Variants in TNFAIP6 observed in about 807,000 individuals in gnomAD.
TNFAIP6 encodes tumor necrosis factor-inducible gene 6 protein.
In TNFAIP6, 36 loss-of-function variants were observed where a neutral mutation model predicts 33.7. That is an observed-to-expected ratio of 1.07 (90% CI 0.82 to 1.41). The LOEUF (loss-of-function observed/expected upper bound fraction) is 1.41. TNFAIP6 is among the 40% of genes most tolerant of loss of function. TNFAIP6 has a pLI of 0.00. For missense variants in TNFAIP6, 273 were observed against 331.9 expected (o/e 0.82, Z 1.38); for synonymous variants, 113 against 112.8 (o/e 1.00, Z -0.01).
intron 2 of TNFAIP6, among the ~76,000 whole-genome samples, chr2:151,364,401 CTA>C (rs1449747625): frequency 1.3e-5 from 2 of 152,096 alleles, no homozygotes; most frequent in African/African-American, 2.4e-5. Flanking sequence ...TAGTATTGTT[CTA>C]TCTCTTTGAC....
At chr2:151,362,676 G>A (rs1684647134) in intron 1 of TNFAIP6, among the ~76,000 whole-genome samples, 1 of 151,722 alleles carries the variant, frequency 6.6e-6, no homozygotes, top group Non-Finnish European at 1.5e-5. Flanking sequence ...ATTTTTAATA[G>A]AGACAGGGTT....
Position 151,370,107 on chromosome 2 carries a change from G to C in TNFAIP6, c.482G>C (p.Cys161Ser), listed in dbSNP as rs1436050926. The change falls in exon 4 of 6, where the codon TGC (cysteine) becomes TCC (serine). Residue 161 changes from cysteine to serine, a missense_variant. By Grantham distance (112) the Cys-to-Ser change is moderately radical. Coordinates refer to ENST00000243347, the MANE Select transcript of TNFAIP6 (RefSeq NM_007115.4). ...FPNEYEDNQI[C>S]YWHIRLKYGQ... ...AATGAGTACGAAGATAACCAAATCT[G>C]CTACTGGCACATTAGACTCAAGTAT... 1.9e-6 allele frequency: 3 copies of C among 1,614,054 alleles called. No individual in the cohort carries two copies. The highest frequency in any genetic ancestry group is 2.5e-6 in the Non-Finnish European group (3 of 1,180,014).
At chr2:151,365,944 G>T in intron 2 of TNFAIP6, 112 bp from the exon 3 acceptor site, 2 of 987,674 alleles carry the variant, frequency 2.0e-6, no homozygotes, top group Non-Finnish European at 3.1e-6. Context: ...ACATGAACTG[G>T]ATTTGACCAG....
intron 5 of TNFAIP6, among the ~76,000 whole-genome samples, chr2:151,377,252 C>T (rs983037827): frequency 5.9e-5 from 9 of 151,922 alleles, no homozygotes; most frequent in African/African-American, 2.2e-4. Context: ...TCACTGCAAG[C>T]TCCGCCTCCC....
intron 1 of TNFAIP6, among the ~76,000 whole-genome samples, chr2:151,359,840 C>G (rs1036489745): frequency 4.6e-5 from 7 of 151,996 alleles, no homozygotes; most frequent in African/African-American, 1.7e-4. Context: ...GTAAAGGATC[C>G]CTAAGGCTTA....
At chr2:151,376,860 C>CTTTTCTTTTTTT (rs1684916011) in intron 5 of TNFAIP6, among the ~76,000 whole-genome samples, 1 of 113,362 alleles carries the variant, frequency 8.8e-6, no homozygotes, top group African/African-American at 3.6e-5. Flanking sequence ...ATTTCTTTTT[C>CTTTTCTTTTTTT]TTTTCTTTTT....
At chr2:151,375,250 GA>G (rs11313538) in intron 5 of TNFAIP6, among the ~76,000 whole-genome samples, 27,148 of 142,748 alleles carry the variant, frequency 0.19, 2,814 homozygotes, top group African/African-American at 0.3. Flanking sequence ...AAGAAACTGG[GA>G]AAAAAAAAAC....
In TNFAIP6 at chr2:151,373,539, T is replaced by TC; in HGVS notation, c.624-8dup. Reference sequence around the variant, plus strand: ...TGTGTGACATCTCTTTTCTAAAAATTCCTTTTCAGATACTGTGGAGATGAG... The same window carrying TC: ...TGTGTGACATCTCTTTTCTAAAAATTCCCTTTTCAGATACTGTGGAGATGAG... On this transcript the variant is annotated splice_polypyrimidine_tract_variant and intron_variant, in intron 4 of 5. Coordinates refer to ENST00000243347, the MANE Select transcript of TNFAIP6 (RefSeq NM_007115.4). 6.5e-7 allele frequency: 1 copy of TC among 1,530,148 alleles called. No homozygotes were observed. The highest frequency in any genetic ancestry group is 8.8e-7 in the Non-Finnish European group (1 of 1,130,252). The allele number at this position is 1,530,148 out of a possible 1,614,324, so 94.8% of individuals were successfully genotyped here. A position where few individuals can be genotyped will look rare whatever the true frequency, so the allele number is the denominator to read the frequency against.
intron 5 of TNFAIP6, among the ~76,000 whole-genome samples, chr2:151,374,954 C>T (rs1017910754): frequency 1.3e-5 from 2 of 151,818 alleles, no homozygotes; most frequent in Non-Finnish European, 2.9e-5. Flanking sequence ...GGAGAAACAC[C>T]GTCTCTACCA....
chr2:151,360,601 C>A (rs910311098), intron 1 of TNFAIP6, among the ~76,000 whole-genome samples: 1 of 152,080 alleles, frequency 6.6e-6, no homozygotes, highest in African/African-American at 2.4e-5. Flanking sequence ...ATCTTAATAG[C>A]TCAAAATTCT....
intron 3 of TNFAIP6, among the ~76,000 whole-genome samples, chr2:151,369,386 C>T (rs1044064446): frequency 2.6e-5 from 4 of 152,088 alleles, no homozygotes; most frequent in African/African-American, 4.8e-5. Context: ...AACTCCTAGG[C>T]TCATGAGATT....
intron 1 of TNFAIP6, among the ~76,000 whole-genome samples, chr2:151,359,968 T>A (rs190470213): frequency 2.6e-5 from 4 of 152,280 alleles, no homozygotes; most frequent in African/African-American, 9.6e-5. Flanking sequence ...AATGCACAGA[T>A]AAGCAATTAT....
intron 5 of TNFAIP6, among the ~76,000 whole-genome samples, chr2:151,374,548 C>T (rs906361973): frequency 6.6e-6 from 1 of 152,186 alleles, no homozygotes; most frequent in Non-Finnish European, 1.5e-5. Context: ...AGTTAACTTA[C>T]TCCCACACCC....
chr2:151,380,442 C>G (rs1044809414), downstream of TNFAIP6, among the ~76,000 whole-genome samples: 1 of 152,034 alleles, frequency 6.6e-6, no homozygotes, highest in Non-Finnish European at 1.5e-5. Flanking sequence ...GCTGAGGTCT[C>G]TTTTCTCATA....
chr2:151,364,158 A>C (rs1205885331), intron 2 of TNFAIP6, 78 bp downstream of exon 2: 1 of 1,512,490 alleles, frequency 6.6e-7, no homozygotes, highest in African/African-American at 1.4e-5. Flanking sequence ...CCCTAGTAAG[A>C]CTTCTTTCTC....
intron 3 of TNFAIP6, among the ~76,000 whole-genome samples, chr2:151,368,845 C>A (rs371008979): frequency 2.0e-5 from 3 of 152,164 alleles, no homozygotes; most frequent in Admixed American, 1.3e-4. Context: ...GGGCAAAGTC[C>A]CTACCATCTT....
At chr2:151,370,385 C>A in intron 4 of TNFAIP6, 137 bp downstream of exon 4, 1 of 681,474 alleles carries the variant, frequency 1.5e-6, no homozygotes, top group Non-Finnish European at 2.4e-6. Context: ...TATCATTTTT[C>A]AACAAAGATT....
intron 2 of TNFAIP6, among the ~76,000 whole-genome samples, chr2:151,364,414 T>G (rs550831090): frequency 6.6e-6 from 1 of 152,352 alleles, no homozygotes; most frequent in South Asian, 2.1e-4. Flanking sequence ...TCTCTTTGAC[T>G]TCTCAGTATG....
At chr2:151,363,895 C>A in intron 1 of TNFAIP6, 48 bp from the exon 2 acceptor site, 1 of 1,598,636 alleles carries the variant, frequency 6.3e-7, no homozygotes, top group South Asian at 1.1e-5. Flanking sequence ...TTCCCCTGTT[C>A]CGTAAGAAGG....
Sources: gnomAD v4.1 joint callset for allele counts (sites outside exome capture counted in the v4.1 genomes callset) on GRCh38, gnomAD v4.1.1 for gene constraint, MANE v1.5 for transcripts, NCBI Gene and HGNC (gene_info 2026-07-23, HGNC 2026-07-21) for gene names.